Variants in CDH4 observed in about 807,000 individuals in gnomAD.
CDH4 encodes cadherin-4.
Under a neutral mutation model 86.0 loss-of-function variants are expected in CDH4, and 33 were observed. That is an observed-to-expected ratio of 0.38 (90% CI 0.29 to 0.51). The LOEUF (loss-of-function observed/expected upper bound fraction) is 0.51, where lower values mean the gene tolerates loss of function less well. CDH4 is among the 20% of genes least tolerant of loss of function. The probability of loss-of-function intolerance (pLI) is 0.86; values close to 1 mark genes in which losing one functional copy is unlikely to be tolerated. For synonymous variants in CDH4, 555 were observed against 549.4 expected, an observed-to-expected ratio of 1.01 and a Z score of -0.14; for missense variants, 1,114 against 1,307.4, an observed-to-expected ratio of 0.85 and a Z score of 2.28.
chr20:61,340,490 T>A (rs1200605105), intron 2 of CDH4, among the ~76,000 whole-genome samples: 2 of 152,224 alleles, frequency 1.3e-5, no homozygotes, highest in Non-Finnish European at 2.9e-5. Context: ...TAGGATTCTG[T>A]CATGATTTGT....
chr20:61,356,515 A>G (rs911974739), intron 2 of CDH4, among the ~76,000 whole-genome samples: 3 of 152,326 alleles, frequency 2.0e-5, no homozygotes, highest in Middle Eastern at 3.4e-3. Flanking sequence ...TTGTCTGACT[A>G]CATTTTCTTC....
intron 13 of CDH4, among the ~76,000 whole-genome samples, chr20:61,931,385 G>T (rs1193144619): frequency 6.6e-6 from 1 of 152,208 alleles, no homozygotes. Context: ...CAGGCAGGGC[G>T]ATGCCGCCAA....
At position 61,663,145 on chromosome 20, in the gene CDH4, A is replaced by T. The variant is rs561603824; in HGVS notation, c.170-80418A>T. On this transcript the variant is annotated intron_variant, in intron 2 of 15. Transcript: ENST00000614565. The surrounding 1 kb of genome is among the most constrained non-coding windows in gnomAD (Gnocchi z 5.0). ...AAAATATTGACTGGAGGAGAAATGG[A>T]AATGAGGCTACTGGGCCTGCAGCTC... Among the ~76,000 whole-genome samples the T allele has an allele frequency of 1.3e-3, 205 of 152,344 alleles. 1 individual carries two copies. The highest frequency in any genetic ancestry group is 1.5e-3 in the Non-Finnish European group (101 of 68,038).
chr20:61,409,647 G>T (rs1215386860), intron 2 of CDH4, among the ~76,000 whole-genome samples: 1 of 152,370 alleles, frequency 6.6e-6, no homozygotes, highest in South Asian at 2.1e-4. Flanking sequence ...GAGCCGCTGC[G>T]TGTGACACAG....
intron 2 of CDH4, among the ~76,000 whole-genome samples, chr20:61,659,428 C>A (rs573359939): frequency 5.3e-5 from 8 of 152,230 alleles, no homozygotes; most frequent in East Asian, 1.9e-4. Context: ...CGCTGCCCCC[C>A]ACCTGGGGAG....
chr20:61,695,079 A>T (rs1309554481), intron 2 of CDH4, among the ~76,000 whole-genome samples: 1 of 152,244 alleles, frequency 6.6e-6, no homozygotes, highest in Non-Finnish European at 1.5e-5. Flanking sequence ...GCATAGAAGG[A>T]TCAAAACAGC....
chr20:61,466,723 C>A (rs1365819469), intron 2 of CDH4, among the ~76,000 whole-genome samples: 1 of 152,142 alleles, frequency 6.6e-6, no homozygotes, highest in Non-Finnish European at 1.5e-5. Context: ...TGGTGGCATG[C>A]ATCTGTAGTT....
chr20:61,877,957 C>T (rs1259433748), intron 7 of CDH4, among the ~76,000 whole-genome samples: 3 of 152,138 alleles, frequency 2.0e-5, no homozygotes, highest in African/African-American at 4.8e-5. Flanking sequence ...TGAGGCCCGG[C>T]CCCAAGCAGA....
rs112352776 is a variant in CDH4 at position 61,317,244 on chromosome 20, G to A, written c.169+62307G>A. Among the ~76,000 whole-genome samples, 1,082 of 152,162 alleles carry A rather than the reference G, an allele frequency of 7.1e-3. 13 individuals carry two copies. The highest frequency in any genetic ancestry group is 0.025 in the African/African-American group (1,019 of 41,496). On this transcript the variant is annotated intron_variant, in intron 2 of 15. Transcript: ENST00000614565. ...ATACAACAAATTAGCCAGCTGTGGT[G>A]GCGAGCGCCCGCAGTCCTGGCAGTG...
At chr20:61,607,483 C>G (rs2086654225) in intron 2 of CDH4, among the ~76,000 whole-genome samples, 1 of 152,044 alleles carries the variant, frequency 6.6e-6, no homozygotes, top group South Asian at 2.1e-4. Flanking sequence ...ATGGAAAGCC[C>G]AACACATTAG....
intron 2 of CDH4, among the ~76,000 whole-genome samples, chr20:61,550,201 CCCTA>C (rs1368234588): frequency 7.2e-6 from 1 of 139,128 alleles, no homozygotes; most frequent in Non-Finnish European, 1.7e-5. Context: ...TCCCTGGCCT[CCCTA>C]GCCTGTTTCC....
chr20:61,630,260 A>G (rs1197155224), intron 2 of CDH4, among the ~76,000 whole-genome samples: 2 of 152,160 alleles, frequency 1.3e-5, no homozygotes, highest in South Asian at 4.1e-4. Context: ...ACACTTCTGT[A>G]CTGTGACCTC....
chr20:61,899,582 C>T (rs1378544099), intron 8 of CDH4, among the ~76,000 whole-genome samples: 3 of 152,108 alleles, frequency 2.0e-5, no homozygotes, highest in Non-Finnish European at 4.4e-5. Flanking sequence ...CGCCTGCCAC[C>T]ACGCCCGGCT....
chr20:61,737,644 C>T (rs890708189), intron 2 of CDH4, among the ~76,000 whole-genome samples: 2 of 152,214 alleles, frequency 1.3e-5, no homozygotes, highest in Non-Finnish European at 2.9e-5. Context: ...GTGACCTTGG[C>T]TGGGTGCCTT....
intron 5 of CDH4, among the ~76,000 whole-genome samples, chr20:61,851,738 C>T (rs1982735602): frequency 6.6e-6 from 1 of 152,216 alleles, no homozygotes; most frequent in Non-Finnish European, 1.5e-5. Context: ...CGCCCAGCCT[C>T]TCTGTGTCCT....
At chr20:61,858,103 CTG>C (rs1236396370) in intron 6 of CDH4, among the ~76,000 whole-genome samples, 6 of 136,198 alleles carry the variant, frequency 4.4e-5, no homozygotes, top group Non-Finnish European at 9.5e-5. Flanking sequence ...GTCTGTGTCT[CTG>C]TTTCTGTGTG....
At chr20:61,498,426 A>G (rs761998593) in intron 2 of CDH4, among the ~76,000 whole-genome samples, 3 of 152,258 alleles carry the variant, frequency 2.0e-5, no homozygotes, top group Non-Finnish European at 4.4e-5. Flanking sequence ...ACACACTCAG[A>G]TCAGAGACAA....
At chr20:61,674,314 C>A (rs374034544) in intron 2 of CDH4, among the ~76,000 whole-genome samples, 94 of 152,306 alleles carry the variant, frequency 6.2e-4, no homozygotes, top group African/African-American at 2.2e-3. Flanking sequence ...GCAGGAGTCA[C>A]AGCATGTTGT....
Position 61,553,417 on chromosome 20 carries a change from C to T in CDH4, c.170-190146C>T, listed in dbSNP as rs570602239. On this transcript the variant is annotated intron_variant, in intron 2 of 15. Transcript: ENST00000614565. The stretch of plus-strand genomic sequence containing the variant: ...ATACATTGAATTATCCACCTAAATG[C>T]GTGGATTTACAGTATGCGAAGTGTA... 1.8e-4 allele frequency among the ~76,000 whole-genome samples: 27 copies of T among 152,332 alleles called. No individual in the cohort carries two copies. The South Asian group carries it at 3.3e-3, about 19-fold the overall frequency.
Sources: allele counts gnomAD v4.1 joint callset (sites outside exome capture counted in the v4.1 genomes callset), GRCh38; gene constraint gnomAD v4.1.1; non-coding constraint Gnocchi (gnomAD v3.1); transcripts MANE v1.5; gene names NCBI Gene and HGNC (gene_info 2026-07-23, HGNC 2026-07-21).